The following CFAP210 variants were observed in gnomAD, a reference collection of about 807,000 sequenced individuals.
The protein encoded by CFAP210 is cilia- and flagella- associated protein 210.
At chr2:169,688,252 C>T in the CFAP210 span, among the ~76,000 whole-genome samples, 1 of 152,220 alleles carries the variant, frequency 6.6e-6, no homozygotes, top group South Asian at 2.1e-4. Flanking sequence ...CTTCTTGATG[C>T]TTATGCAGAT....
the CFAP210 span, chr2:169,646,325 C>T: frequency 1.6e-6 from 1 of 632,934 alleles, no homozygotes; most frequent in Non-Finnish European, 2.7e-6. Flanking sequence ...TATATACTAT[C>T]ATTTATTTCA....
the CFAP210 span, chr2:169,649,401 G>C: frequency 2.0e-6 from 3 of 1,486,804 alleles, no homozygotes; most frequent in Admixed American, 1.8e-5. Context: ...AACCAGTCTT[G>C]TCTGAAAAGG....
the CFAP210 span, among the ~76,000 whole-genome samples, chr2:169,669,067 T>C: frequency 6.6e-6 from 1 of 152,106 alleles, no homozygotes; most frequent in South Asian, 2.1e-4. Flanking sequence ...TTTTAAAAAA[T>C]AAGAGACTAA....
chr2:169,687,900 T>C, the CFAP210 span, among the ~76,000 whole-genome samples: 2 of 152,212 alleles, frequency 1.3e-5, no homozygotes, highest in Non-Finnish European at 2.9e-5. Context: ...TCCAGGCATT[T>C]CCATACATCT....
At chr2:169,690,123 T>A in the CFAP210 span, among the ~76,000 whole-genome samples, 11 of 152,270 alleles carry the variant, frequency 7.2e-5, no homozygotes, top group African/African-American at 2.6e-4. Context: ...GTCCTCCCAC[T>A]TCAGCCTCCC....
the CFAP210 span, among the ~76,000 whole-genome samples, chr2:169,672,813 G>C: frequency 6.6e-6 from 1 of 152,034 alleles, no homozygotes; most frequent in Non-Finnish European, 1.5e-5. Context: ...CACCCTCACA[G>C]ACACACCCAG....
At chr2:169,675,065 T>C in the CFAP210 span, 1 of 1,411,952 alleles carries the variant, frequency 7.1e-7, no homozygotes, top group Non-Finnish European at 9.3e-7. Context: ...ACACAATTTT[T>C]TGTTTTCATT....
At chr2:169,656,524 A>G in the CFAP210 span, among the ~76,000 whole-genome samples, 4 of 148,806 alleles carry the variant, frequency 2.7e-5, no homozygotes, top group African/African-American at 9.9e-5. Flanking sequence ...GGAGGAGGAG[A>G]AGGAGACAGG....
At chr2:169,676,500 C>A in the CFAP210 span, among the ~76,000 whole-genome samples, 1 of 152,014 alleles carries the variant, frequency 6.6e-6, no homozygotes, top group African/African-American at 2.4e-5. Flanking sequence ...CAGTCACTTA[C>A]AAAATAGTTC....
the CFAP210 span, among the ~76,000 whole-genome samples, chr2:169,665,531 C>G: frequency 6.6e-6 from 1 of 151,876 alleles, no homozygotes; most frequent in Non-Finnish European, 1.5e-5. Context: ...GCTATCTGGG[C>G]TATTGGCATG....
chr2:169,650,350 A>G, the CFAP210 span: 1 of 1,593,174 alleles, frequency 6.3e-7, no homozygotes, highest in Non-Finnish European at 8.5e-7. Context: ...GATATTCTGC[A>G]ATTGTTTTTA....
the CFAP210 span, among the ~76,000 whole-genome samples, chr2:169,669,389 C>T: frequency 1.3e-5 from 2 of 152,044 alleles, no homozygotes; most frequent in Non-Finnish European, 2.9e-5. Flanking sequence ...AATGGAAAGC[C>T]ATTGAAGTGC....
the CFAP210 span, chr2:169,646,002 C>T: frequency 1.2e-6 from 2 of 1,613,832 alleles, no homozygotes; most frequent in Non-Finnish European, 1.7e-6. Flanking sequence ...CCTCCAGGTC[C>T]TTCCTGTACA....
At chr2:169,659,488 A>T in the CFAP210 span, among the ~76,000 whole-genome samples, 1 of 152,156 alleles carries the variant, frequency 6.6e-6, no homozygotes, top group African/African-American at 2.4e-5. Context: ...TGAAGGGGGA[A>T]GTGCTACACA....
chr2:169,692,437 G>GGTGCAC, the CFAP210 span, among the ~76,000 whole-genome samples: 1 of 104,322 alleles, frequency 9.6e-6, no homozygotes, highest in Admixed American at 9.1e-5. Flanking sequence ...GAGGGCAACA[G>GGTGCAC]GCGCACGCAC....
the CFAP210 span, among the ~76,000 whole-genome samples, chr2:169,648,374 A>G: frequency 1.3e-5 from 2 of 152,172 alleles, no homozygotes; most frequent in African/African-American, 2.4e-5. Flanking sequence ...GGAGATGTAT[A>G]GTGGCCATGA....
At chr2:169,669,617 G>A in the CFAP210 span, among the ~76,000 whole-genome samples, 2 of 152,082 alleles carry the variant, frequency 1.3e-5, no homozygotes, top group Non-Finnish European at 2.9e-5. Flanking sequence ...GAGATCTGAT[G>A]TGGAAGATAA....
the CFAP210 span, chr2:169,694,288 G>A: frequency 1.2e-6 from 2 of 1,614,034 alleles, no homozygotes. Context: ...CGTCCACAGC[G>A]CCGTCCAAAC....
chr2:169,646,283 C>T, the CFAP210 span: 1 of 820,050 alleles, frequency 1.2e-6, no homozygotes, highest in Admixed American at 2.4e-5. Context: ...TTTCTAAACT[C>T]ATTGATACTT....
Sources: gnomAD v4.1 joint callset for allele counts (sites outside exome capture counted in the v4.1 genomes callset) on GRCh38, gnomAD v4.1.1 for gene constraint, MANE v1.5 for transcripts, NCBI Gene and HGNC (gene_info 2026-07-23, HGNC 2026-07-21) for gene names.